The following CAMK1D variants were observed in gnomAD, a reference collection of about 807,000 sequenced individuals.
CAMK1D encodes calcium/calmodulin dependent protein kinase ID.
CAMK1D carries 9 observed loss-of-function variants against 47.7 expected under a neutral mutation model. The ratio of observed to expected loss-of-function variants is 0.19; its 90% CI spans 0.11 to 0.33. The LOEUF (loss-of-function observed/expected upper bound fraction) is 0.33. CAMK1D is among the 10% of genes least tolerant of loss of function. The pLI, the probability that CAMK1D is intolerant of heterozygous loss-of-function variation, is 1.00. For missense variants in CAMK1D, 291 were observed against 488.7 expected, an observed-to-expected ratio of 0.60 and a Z score of 3.81; for synonymous variants, 184 against 184.9, an observed-to-expected ratio of 0.99 and a Z score of 0.04.
chr10:12,453,312 C>T (rs1833145664), intron 1 of CAMK1D, among the ~76,000 whole-genome samples: 2 of 151,854 alleles, frequency 1.3e-5, no homozygotes, highest in African/African-American at 4.8e-5. Context: ...GCCTCAGCCT[C>T]CTGAGTAGCT....
intron 3 of CAMK1D, among the ~76,000 whole-genome samples, chr10:12,735,371 G>A (rs1364595530): frequency 6.6e-5 from 10 of 152,254 alleles, no homozygotes; most frequent in African/African-American, 1.9e-4. Context: ...CCAGCTACTC[G>A]GGAGGCTGAG....
chr10:12,376,596 C>G (rs1221297610), intron 1 of CAMK1D, among the ~76,000 whole-genome samples: 1 of 152,128 alleles, frequency 6.6e-6, no homozygotes, highest in South Asian at 2.1e-4. Context: ...CATGCTTCTC[C>G]TGAGGTCCGG....
At chr10:12,716,463 C>T (rs886123731) in intron 3 of CAMK1D, among the ~76,000 whole-genome samples, 9 of 152,124 alleles carry the variant, frequency 5.9e-5, no homozygotes, top group African/African-American at 9.7e-5. Flanking sequence ...TAGTGTTGTA[C>T]GTGTTGAGCC....
intron 3 of CAMK1D, among the ~76,000 whole-genome samples, chr10:12,751,587 T>A (rs1222176362): frequency 2.0e-5 from 3 of 152,206 alleles, no homozygotes. Flanking sequence ...CTAACTCTGC[T>A]ACCACCTAAG....
At chr10:12,574,201 C>T (rs1837418310) in intron 2 of CAMK1D, among the ~76,000 whole-genome samples, 1 of 152,178 alleles carries the variant, frequency 6.6e-6, no homozygotes, top group African/African-American at 2.4e-5. Context: ...CTGTTGACCA[C>T]TTCTTGACCA....
chr10:12,494,546 C>G (rs1588552579), intron 1 of CAMK1D, among the ~76,000 whole-genome samples: 3 of 152,180 alleles, frequency 2.0e-5, no homozygotes, highest in South Asian at 2.1e-4. Context: ...TTCCTATTTG[C>G]TTTTGCCTTG....
intron 2 of CAMK1D, among the ~76,000 whole-genome samples, chr10:12,623,947 C>T (rs188702566): frequency 7.2e-5 from 11 of 152,066 alleles, no homozygotes; most frequent in African/African-American, 2.2e-4. Flanking sequence ...GGCATAGTGG[C>T]GTGTACCTGT....
At chr10:12,509,173 C>T (rs530899147) in intron 1 of CAMK1D, among the ~76,000 whole-genome samples, 9 of 152,158 alleles carry the variant, frequency 5.9e-5, no homozygotes, top group South Asian at 2.1e-4. Flanking sequence ...CTTTAGCAGC[C>T]GCCAATGGGA....
intron 3 of CAMK1D, among the ~76,000 whole-genome samples, chr10:12,742,836 A>G (rs1038364263): frequency 2.0e-5 from 3 of 152,112 alleles, no homozygotes; most frequent in African/African-American, 7.2e-5. Flanking sequence ...ACATCTGACA[A>G]AGAGCTCCAT....
rs1833188569 is a variant in CAMK1D, at chr10:12,825,863, G to A, written c.1039+173G>A. 22 of 1,071,220 alleles carry A rather than the reference G, an allele frequency of 2.1e-5. No individual in the cohort carries two copies. In the South Asian group the frequency reaches 3.2e-4, roughly 16 times the overall value. The allele number at this position is 1,071,220 out of a possible 1,614,324, so 66.4% of individuals were successfully genotyped here. A position where few individuals can be genotyped will look rare whatever the true frequency, so the allele number is the denominator to read the frequency against. On this transcript the variant is annotated intron_variant, in intron 10 of 10. Transcript: ENST00000619168. ...TTAACATGTAATCACTGGGCTGGGT[G>A]CAGTGGCTCACGCCTGTAATCCCAA...
chr10:12,351,314 G>A (rs1249411266), intron 1 of CAMK1D, among the ~76,000 whole-genome samples: 1 of 152,148 alleles, frequency 6.6e-6, no homozygotes, highest in Non-Finnish European at 1.5e-5. Flanking sequence ...AATAAATAGG[G>A]GTTTGGGGTT....
At chr10:12,634,644 C>T (rs1047081998) in intron 2 of CAMK1D, among the ~76,000 whole-genome samples, 1 of 152,164 alleles carries the variant, frequency 6.6e-6, no homozygotes, top group African/African-American at 2.4e-5. Flanking sequence ...CCCCCAGAGC[C>T]GCCTGGCTGA....
chr10:12,749,815 C>T (rs749555442), intron 3 of CAMK1D, among the ~76,000 whole-genome samples: 2 of 146,030 alleles, frequency 1.4e-5, no homozygotes, highest in Non-Finnish European at 3.0e-5. Context: ...GTCTCAAACT[C>T]CTGACTGCAA....
chr10:12,751,900 A>C (rs1836003775), intron 3 of CAMK1D, among the ~76,000 whole-genome samples: 1 of 148,030 alleles, frequency 6.8e-6, no homozygotes, highest in South Asian at 2.1e-4. Context: ...CAGTGAGTAA[A>C]GTTTTGCAAG....
intron 1 of CAMK1D, among the ~76,000 whole-genome samples, chr10:12,452,284 T>C (rs1228957641): frequency 6.6e-6 from 1 of 152,130 alleles, no homozygotes; most frequent in African/African-American, 2.4e-5. Flanking sequence ...TTTATACAAT[T>C]ATTTATATTG....
chr10:12,382,370 C>A (rs1022570823), intron 1 of CAMK1D, among the ~76,000 whole-genome samples: 13 of 151,834 alleles, frequency 8.6e-5, no homozygotes, highest in Non-Finnish European at 1.5e-4. Flanking sequence ...CTTGTTTATA[C>A]TAGATGATAA....
chr10:12,369,716 T>G (rs954896390), intron 1 of CAMK1D, among the ~76,000 whole-genome samples: 1 of 152,144 alleles, frequency 6.6e-6, no homozygotes, highest in African/African-American at 2.4e-5. Flanking sequence ...CCCAGCACTT[T>G]GAGAGGCCCA....
chr10:12,510,818 C>T (rs1048964947), intron 1 of CAMK1D, among the ~76,000 whole-genome samples: 13 of 152,172 alleles, frequency 8.5e-5, no homozygotes, highest in Non-Finnish European at 1.6e-4. Flanking sequence ...GAAGACAGTG[C>T]CAATGCATGC....
chr10:12,587,740 T>A (rs895583606), intron 2 of CAMK1D, among the ~76,000 whole-genome samples: 1 of 152,148 alleles, frequency 6.6e-6, no homozygotes, highest in Non-Finnish European at 1.5e-5. Flanking sequence ...TATTTACATA[T>A]CATTTTAGAA....
Sources: gnomAD v4.1 joint callset for allele counts (sites outside exome capture counted in the v4.1 genomes callset) on GRCh38, gnomAD v4.1.1 for gene constraint, MANE v1.5 for transcripts, NCBI Gene and HGNC (gene_info 2026-07-23, HGNC 2026-07-21) for gene names.